The following GDF3 variants were observed in gnomAD, a reference collection of about 807,000 sequenced individuals.
GDF3 encodes the protein growth/differentiation factor 3.
Under a neutral mutation model 10.2 loss-of-function variants are expected in GDF3, and 10 were observed. That is an observed-to-expected ratio of 0.98 (90% CI 0.60 to 1.66). GDF3 has a LOEUF of 1.66. GDF3 is among the 40% of genes most tolerant of loss of function. GDF3 has a pLI of 0.00. For missense variants in GDF3, 450 were observed against 438.3 expected (o/e 1.03, Z -0.24); for synonymous variants, 166 against 178.5 (o/e 0.93, Z 0.56).
Position 7,690,281 on chromosome 12 carries a change from G to A in GDF3, c.692C>T (p.Ala231Val), listed in dbSNP as rs1162334087. The change falls in exon 2 of 2, where the codon GCT becomes GTT. Residue 231 changes from alanine to valine, a missense_variant. Ala to Val is a moderately conservative substitution (Grantham distance 64). Coordinates refer to ENST00000329913, the MANE Select transcript of GDF3 (RefSeq NM_020634.3). ...GTTGAGAGTCACCACCAGCAGGGAAGCATGAAGGGAGCATCTTAGTCTGGC... is the reference window on the plus strand; with the variant it reads ...GTTGAGAGTCACCACCAGCAGGGAAACATGAAGGGAGCATCTTAGTCTGGC... ...TCARLRCSLH[A>V]SLLVVTLNPD... The A allele has an allele frequency of 1.9e-6, 3 of 1,614,036 alleles. No homozygotes were observed. Among genetic ancestry groups the A allele is most frequent in the Non-Finnish European group, 2.5e-6 (3 of 1,180,018 alleles).
At position 7,695,574 on chromosome 12, in the gene GDF3, T is replaced by C; in HGVS notation, c.155A>G (p.Lys52Arg). 1 of 1,614,194 alleles carries C rather than the reference T, an allele frequency of 6.2e-7. No individual in the cohort carries two copies. Among genetic ancestry groups the C allele is most frequent in the South Asian group, 1.1e-5 (1 of 91,080 alleles). Residue 52 changes from lysine (K) to arginine (R), a missense_variant, in exon 1 of 2, where the codon AAG (lysine) becomes AGG (arginine). Lys to Arg is a conservative substitution (Grantham distance 26). Coordinates refer to ENST00000329913, the MANE Select transcript of GDF3 (RefSeq NM_020634.3). ...TGCCTCGCGATCCTGGAAAATTTTC[T>C]TCAAGATATAAGGCACAGGTTGGAA... The part of the protein sequence containing the change: ...QKFQPVPYIL[K>R]KIFQDREAAA...
Position 7,690,565 on chromosome 12 carries a change from G to A in GDF3, c.408C>T (p.Tyr136=). The A allele has an allele frequency of 1.2e-6, 2 of 1,606,546 alleles. No homozygotes were observed. Among genetic ancestry groups the A allele is most frequent in the Non-Finnish European group, 1.7e-6 (2 of 1,176,102 alleles). Residue 136 remains tyrosine (Y), a synonymous_variant, in exon 2 of 2, where the codon TAC becomes TAT. Transcript: ENST00000329913. The stretch of plus-strand genomic sequence containing the variant: ...GTTCCAGCTCTGGTCCCAGGTTATA[G>A]TAAGAATTGGGCCCCAAGTCCAGGC... ...QLGLDLGPNS[Y]YNLGPELELA...
Position 7,695,695 on chromosome 12 carries a change from A to G in GDF3, c.34T>C (p.Phe12Leu). ...LRFLPDLAFS[F>L]LLILALGQAV... is the part of the protein sequence containing the mutation. ...TGGCCCAAAGCCAGAATTAACAGGA[A>G]GCTGAAAGCCAAATCTGGCAAGAAA... Residue 12 changes from phenylalanine (F) to leucine (L), a missense_variant, in exon 1 of 2, where the codon TTC (phenylalanine) becomes CTC (leucine). Physicochemically the swap from Phe to Leu is conservative, Grantham distance 22 (BLOSUM62 0). Coordinates refer to ENST00000329913, the MANE Select transcript of GDF3 (RefSeq NM_020634.3). 1 of 1,614,218 alleles carries G rather than the reference A, an allele frequency of 6.2e-7. No individual in the cohort carries two copies. The highest frequency in any genetic ancestry group is 1.1e-5 in the South Asian group (1 of 91,088).
In GDF3 at chr12:7,690,464, C is replaced by T. The variant is rs145849916; in HGVS notation, c.509G>A (p.Arg170Gln). ...TPKPGKMFVL[R>Q]SVPWPQGAVH... ...AGCACCTTGTGGCCATGGGACTGAC[C>T]GCAACACAAACATTTTACCTGGCTT... Residue 170 changes from arginine to glutamine, a missense_variant, in exon 2 of 2, where the codon CGG becomes CAG. By Grantham distance (43) the Arg-to-Gln change is conservative (BLOSUM62 1). Transcript: ENST00000329913. 4.6e-5 allele frequency: 74 copies of T among 1,613,910 alleles called. No individual in the cohort carries two copies. Among genetic ancestry groups the T allele is most frequent in the Middle Eastern group, 3.3e-4 (2 of 6,084 alleles).
rs764408748 is a variant in GDF3, at chr12:7,690,257, T to C, written c.716A>G (p.Asn239Ser). ...LHASLLVVTL[N>S]PDQCHPSRKR... Reference sequence around the variant, plus strand: ...CCGAGAAGGGTGGCACTGATCAGGGTTGAGAGTCACCACCAGCAGGGAAGC... The same window carrying C: ...CCGAGAAGGGTGGCACTGATCAGGGCTGAGAGTCACCACCAGCAGGGAAGC... The change falls in exon 2 of 2, where the codon AAC becomes AGC. Residue 239 changes from asparagine to serine, a missense_variant. Physicochemically the swap from Asn to Ser is conservative, Grantham distance 46. Coordinates refer to ENST00000329913, the MANE Select transcript of GDF3 (RefSeq NM_020634.3). 3 of 1,614,036 alleles carry C rather than the reference T, an allele frequency of 1.9e-6. No individual in the cohort carries two copies. The East Asian group carries it at 6.7e-5, about 36-fold the overall frequency.
intron 1 of GDF3, among the ~76,000 whole-genome samples, chr12:7,693,363 C>G (rs1186775886): frequency 7.1e-6 from 1 of 141,662 alleles, no homozygotes; most frequent in Non-Finnish European, 1.5e-5. Flanking sequence ...CGCCACCACA[C>G]CTGGCTAATT....
intron 1 of GDF3, among the ~76,000 whole-genome samples, chr12:7,694,813 A>T (rs997336933): frequency 5.9e-5 from 9 of 152,130 alleles, no homozygotes; most frequent in Non-Finnish European, 1.2e-4. Flanking sequence ...GGTGGGGAGA[A>T]CTAGGGGCAG....
intron 1 of GDF3, among the ~76,000 whole-genome samples, chr12:7,694,560 C>T (rs777683137): frequency 5.6e-5 from 6 of 107,086 alleles, no homozygotes; most frequent in Non-Finnish European, 1.1e-4. Context: ...GGGGACAGAG[C>T]GAGACTCTCA....
At chr12:7,691,770 G>T (rs58694473) in intron 1 of GDF3, among the ~76,000 whole-genome samples, 1,768 of 146,290 alleles carry the variant, frequency 0.012, 37 homozygotes, top group African/African-American at 0.042. Context: ...CACTTTGGGA[G>T]GCCGAGGCGG....
At position 7,690,587 on chromosome 12, in the gene GDF3, AG is replaced by A; in HGVS notation, c.385del (p.Leu129TrpfsTer58). Reference protein sequence around the residue: ...REQLTLAQLGLDLGPNSYYNL... With the variant: ...REQLTLAQLGXDLGPNSYYNL... ...ATAGTAAGAATTGGGCCCCAAGTCCAGGCCCAGCTGGGCCAATGTCAACTGT... is the reference window on the plus strand; with the variant it reads ...ATAGTAAGAATTGGGCCCCAAGTCCAGCCCAGCTGGGCCAATGTCAACTGT... On this transcript the variant is annotated frameshift_variant, in exon 2 of 2. Transcript: ENST00000329913. LOFTEE classifies it low-confidence loss of function (END_TRUNC). The A allele has an allele frequency of 1.2e-6, 2 of 1,605,318 alleles. No individual in the cohort carries two copies. Among genetic ancestry groups the A allele is most frequent in the Non-Finnish European group, 1.7e-6 (2 of 1,175,860 alleles).
chr12:7,690,299 AGT>A lies in GDF3; in HGVS notation c.672_673del (p.Arg224SerfsTer17). 6.2e-7 allele frequency: 1 copy of A among 1,614,156 alleles called. No individual in the cohort carries two copies. Among genetic ancestry groups the A allele is most frequent in the South Asian group, 1.1e-5 (1 of 91,082 alleles). On this transcript the variant is annotated frameshift_variant, in exon 2 of 2. Coordinates refer to ENST00000329913, the MANE Select transcript of GDF3 (RefSeq NM_020634.3). LOFTEE classifies it low-confidence loss of function (END_TRUNC). ...CAGGGAAGCATGAAGGGAGCATCTT[AGT>A]CTGGCACAGGTGTCTTCAGGCTGAA...
chr12:7,690,128 A>T lies in GDF3; in HGVS notation c.845T>A (p.Ile282Asn), dbSNP rs753193988. Residue 282 changes from isoleucine (I) to asparagine (N), a missense_variant, in exon 2 of 2, where the codon ATC becomes AAC. Ile to Asn is a moderately radical substitution (Grantham distance 149). Coordinates refer to ENST00000329913, the MANE Select transcript of GDF3 (RefSeq NM_020634.3). ...TGCCATGAACCCCTTGGGGGCAATG[A>T]TCCACTTGTGCCAACCCAGGTCCCG... is the stretch of plus-strand genomic sequence containing the variant. ...NFRDLGWHKWIIAPKGFMANY... is the reference protein window; with the variant it reads ...NFRDLGWHKWNIAPKGFMANY... The T allele has an allele frequency of 6.2e-7, 1 of 1,614,092 alleles. No homozygotes were observed. The highest frequency in any genetic ancestry group is 8.5e-7 in the Non-Finnish European group (1 of 1,180,012).
In GDF3 at chr12:7,695,523, T is replaced by TCGAG; in HGVS notation, c.205_206insCTCG (p.Asp69AlafsTer45). 2 of 1,614,106 alleles carry TCGAG rather than the reference T, an allele frequency of 1.2e-6. No homozygotes were observed. Among genetic ancestry groups the TCGAG allele is most frequent in the Non-Finnish European group, 1.7e-6 (2 of 1,179,988 alleles). On this transcript the variant is annotated frameshift_variant, in exon 1 of 2. Transcript: ENST00000329913. LOFTEE classifies it high-confidence loss of function. ...GCCCAGCTCCTTTACGTAGCATAAG[T>TCGAG]CTCGGGAGACCCCAGTGGTCGCTGC...
chr12:7,695,583 T>C lies in GDF3; in HGVS notation c.146A>G (p.Tyr49Cys), dbSNP rs1217051203. ...ATCCTGGAAAATTTTCTTCAAGATA[T>C]AAGGCACAGGTTGGAACTTCTGGGG... ...PSPQKFQPVP[Y>C]ILKKIFQDRE... is the part of the protein sequence containing the mutation. The change falls in exon 1 of 2, where the codon TAT (tyrosine) becomes TGT (cysteine). Residue 49 changes from tyrosine to cysteine, a missense_variant. By Grantham distance (194) the Tyr-to-Cys change is radical (BLOSUM62 -2). Coordinates refer to ENST00000329913, the MANE Select transcript of GDF3 (RefSeq NM_020634.3). 2 of 1,614,178 alleles carry C rather than the reference T, an allele frequency of 1.2e-6. No individual in the cohort carries two copies. The highest frequency in any genetic ancestry group is 2.2e-5 in the East Asian group (1 of 44,896).
chr12:7,691,969 T>C (rs1864135590), intron 1 of GDF3, among the ~76,000 whole-genome samples: 1 of 151,530 alleles, frequency 6.6e-6, no homozygotes, highest in Non-Finnish European at 1.5e-5. Flanking sequence ...ATCACGCCAC[T>C]GCACTCCAGC....
intron 1 of GDF3, 104 bp downstream of exon 1, chr12:7,695,357 A>C: frequency 9.3e-7 from 1 of 1,071,770 alleles, no homozygotes; most frequent in South Asian, 1.3e-5. Context: ...AATATGAAAA[A>C]TACCAGCACA....
rs377296873 is a variant in GDF3, at chr12:7,689,953, G to A, written c.1020C>T (p.Leu340=). 1.2e-6 allele frequency: 2 copies of A among 1,613,902 alleles called. No homozygotes were observed. The highest frequency in any genetic ancestry group is 1.7e-6 in the Non-Finnish European group (2 of 1,179,802). ...TGACATTGTCATTATTGTCCTGGTA[G>A]AGCATGGAAATGGGAGACAGCTTGG... ...IPTKLSPISM[L]YQDNNDNVIL... The change falls in exon 2 of 2, where the codon CTC becomes CTT. Residue 340 remains leucine (L), a synonymous_variant. Transcript: ENST00000329913.
Position 7,690,344 on chromosome 12 carries a change from C to G in GDF3, c.629G>C (p.Arg210Thr), listed in dbSNP as rs758931622. The G allele has an allele frequency of 6.2e-7, 1 of 1,614,070 alleles. No individual in the cohort carries two copies. The highest frequency in any genetic ancestry group is 8.5e-7 in the Non-Finnish European group (1 of 1,179,970). Residue 210 changes from arginine (R) to threonine (T), a missense_variant, in exon 2 of 2, where the codon AGA becomes ACA. Coordinates refer to ENST00000329913, the MANE Select transcript of GDF3 (RefSeq NM_020634.3). ...AGGCTGAAAATTCACCCCTGAGTCT[C>G]TATCTTCTTTGACCAGTATCTCCAG... ...LFLEILVKED[R>T]DSGVNFQPED...
At chr12:7,690,886 T>A (rs908540281) in intron 1 of GDF3, among the ~76,000 whole-genome samples, 182 bp from the exon 2 acceptor site, 36 of 152,040 alleles carry the variant, frequency 2.4e-4, no homozygotes, top group Non-Finnish European at 2.9e-5. Flanking sequence ...GTGCGGCGGC[T>A]CACGCCTGTA....
Sources: gnomAD v4.1 joint callset for allele counts (sites outside exome capture counted in the v4.1 genomes callset) on GRCh38, gnomAD v4.1.1 for gene constraint, MANE v1.5 for transcripts, NCBI Gene and HGNC (gene_info 2026-07-23, HGNC 2026-07-21) for gene names.